The following GSK3B variants were observed in gnomAD, a reference collection of about 807,000 sequenced individuals.
GSK3B encodes the protein glycogen synthase kinase-3 beta.
A neutral mutation model predicts 56.4 loss-of-function variants in GSK3B; 15 were observed. That is an observed-to-expected ratio of 0.27 (90% confidence interval 0.18 to 0.41). The LOEUF is 0.41. GSK3B is among the 10% of genes least tolerant of loss of function. The pLI, the probability that GSK3B is intolerant of heterozygous loss-of-function variation, is 1.00. For missense variants in GSK3B, 300 were observed against 513.4 expected, an observed-to-expected ratio of 0.58 and a Z score of 4.02; for synonymous variants, 181 against 188.9, an observed-to-expected ratio of 0.96 and a Z score of 0.34.
chr3:119,947,256 T>C lies in GSK3B; in HGVS notation c.366+12A>G, dbSNP rs199894212. On this transcript the variant is annotated intron_variant, in intron 3 of 10. Transcript: ENST00000264235. ...ATCACAATATTCAGTACACACTTTG[T>C]GTCAAACCTACCTTCTCACCACTGG... 2.8e-6 allele frequency: 4 copies of C among 1,410,600 alleles called. No homozygotes were observed. Among genetic ancestry groups the C allele is most frequent in the Non-Finnish European group, 4.0e-6 (4 of 994,864 alleles). The allele number at this position is 1,410,600 out of a possible 1,614,324, so 87.4% of individuals were successfully genotyped here.
intron 1 of GSK3B, among the ~76,000 whole-genome samples, chr3:120,026,512 T>TACAC (rs61580328): frequency 0.035 from 4,619 of 130,430 alleles, 100 homozygotes; most frequent in Middle Eastern, 0.059. Context: ...TACCGCCAAA[T>TACAC]ACACACACAC....
rs573063902 is a variant in GSK3B at position 119,906,870 on chromosome 3, T to C, written c.716-1018A>G. The stretch of plus-strand genomic sequence containing the variant: ...AGGTCTGATGTGGTGAGATGTACTA[T>C]CAAGAGAGACTGGAAATCGTTGCTC... On this transcript the variant is annotated intron_variant, in intron 6 of 10. Coordinates refer to ENST00000264235, the MANE Select transcript of GSK3B (RefSeq NM_001146156.2). Among the ~76,000 whole-genome samples the C allele has an allele frequency of 7.9e-4, 120 of 152,232 alleles. 1 individual carries two copies. The Middle Eastern group carries it at 0.02, about 26-fold the overall frequency.
At chr3:120,071,400 C>T (rs1306535686) in intron 1 of GSK3B, among the ~76,000 whole-genome samples, 3 of 152,088 alleles carry the variant, frequency 2.0e-5, no homozygotes, top group Non-Finnish European at 4.4e-5. Context: ...GGAACCAGAC[C>T]GCACAGCAGG....
Position 119,826,373 on chromosome 3 carries a change from A to C in GSK3B, c.*415T>G. Reference sequence around the variant, plus strand: ...GCACTATACCAAAGTCTCACACTAGACTTTAAAAGAAAACAAAGTTCAAAA... The same window carrying C: ...GCACTATACCAAAGTCTCACACTAGCCTTTAAAAGAAAACAAAGTTCAAAA... On this transcript the variant is annotated 3_prime_UTR_variant, in exon 11 of 11. Coordinates refer to ENST00000264235, the MANE Select transcript of GSK3B (RefSeq NM_001146156.2). 1 of 411,422 alleles carries C rather than the reference A, an allele frequency of 2.4e-6. No individual in the cohort carries two copies. Among genetic ancestry groups the C allele is most frequent in the Non-Finnish European group, 4.5e-6 (1 of 221,816 alleles). 25.5% of individuals were successfully genotyped at this position (411,422 alleles called of 1,614,324 possible).
chr3:120,047,104 CTTTA>C (rs1227719424), intron 1 of GSK3B, among the ~76,000 whole-genome samples: 2 of 152,170 alleles, frequency 1.3e-5, no homozygotes, highest in Non-Finnish European at 2.9e-5. Flanking sequence ...GCACAGACTC[CTTTA>C]TTTATCTTAA....
chr3:119,861,243 G>A (rs933256016), intron 9 of GSK3B, among the ~76,000 whole-genome samples: 3 of 152,144 alleles, frequency 2.0e-5, no homozygotes, highest in African/African-American at 7.2e-5. Flanking sequence ...AGGCATGGTG[G>A]CTCATGCCTG....
intron 3 of GSK3B, among the ~76,000 whole-genome samples, chr3:119,940,320 A>G (rs1576215989): frequency 6.6e-6 from 1 of 152,136 alleles, no homozygotes; most frequent in South Asian, 2.1e-4. Flanking sequence ...TTCATACTCA[A>G]ATTGATTCTT....
intron 2 of GSK3B, among the ~76,000 whole-genome samples, chr3:119,973,407 G>A (rs183953007): frequency 1.6e-4 from 24 of 152,056 alleles, no homozygotes; most frequent in Non-Finnish European, 3.1e-4. Context: ...CTACCTGCCC[G>A]TTAGTCATCG....
intron 1 of GSK3B, chr3:120,029,704 G>T: frequency 1.3e-5 from 7 of 533,388 alleles, no homozygotes; most frequent in Non-Finnish European, 1.9e-5. Flanking sequence ...ATCTTCATGG[G>T]ATGGAAATTT....
Position 120,094,404 on chromosome 3 carries a change from GC to G in GSK3B, c.-971del. ...GGCCCGGGCGGCGGCGGCGGCGGCG[GC>G]GGCACAAGCCCGCATTCGCCCGGGT... is the stretch of plus-strand genomic sequence containing the variant. On this transcript the variant is annotated 5_prime_UTR_variant, in exon 1 of 11. An upstream open reading frame in the 5' UTR loses its in-frame stop. Coordinates refer to ENST00000264235, the MANE Select transcript of GSK3B (RefSeq NM_001146156.2). 3.1e-6 allele frequency: 1 copy of G among 327,482 alleles called. No homozygotes were observed. The highest frequency in any genetic ancestry group is 3.8e-5 in the South Asian group (1 of 26,338). The allele number at this position is 327,482 out of a possible 1,614,324, so 20.3% of individuals were successfully genotyped here. A position where few individuals can be genotyped will look rare whatever the true frequency, so the allele number is the denominator to read the frequency against.
chr3:119,984,988 C>T (rs2057501503), intron 2 of GSK3B, among the ~76,000 whole-genome samples: 1 of 152,134 alleles, frequency 6.6e-6, no homozygotes, highest in Admixed American at 6.5e-5. Flanking sequence ...AAAGCTTATC[C>T]ACCACGATCC....
chr3:119,953,281 GAACA>G (rs1193873072), intron 2 of GSK3B, among the ~76,000 whole-genome samples: 1 of 143,386 alleles, frequency 7.0e-6, no homozygotes, highest in East Asian at 1.9e-4. Flanking sequence ...AAGAACGGAA[GAACA>G]AATATAACAT....
chr3:119,893,840 T>C (rs1271251144), intron 7 of GSK3B, among the ~76,000 whole-genome samples: 1 of 151,872 alleles, frequency 6.6e-6, no homozygotes, highest in East Asian at 1.9e-4. Flanking sequence ...GACAAAGACA[T>C]TCTTTTACAG....
intron 1 of GSK3B, among the ~76,000 whole-genome samples, chr3:120,017,502 G>A (rs1664610816): frequency 6.6e-6 from 1 of 152,086 alleles, no homozygotes; most frequent in Non-Finnish European, 1.5e-5. Flanking sequence ...ATCCAACCCT[G>A]CCCTCACCTG....
intron 1 of GSK3B, among the ~76,000 whole-genome samples, chr3:120,085,819 A>C (rs1158578219): frequency 6.6e-6 from 1 of 152,180 alleles, no homozygotes; most frequent in Non-Finnish European, 1.5e-5. Context: ...AAAAAAAAAA[A>C]AGTATTAACT....
intron 2 of GSK3B, among the ~76,000 whole-genome samples, chr3:119,964,093 T>C (rs1336804091): frequency 6.6e-6 from 1 of 152,146 alleles, no homozygotes; most frequent in Non-Finnish European, 1.5e-5. Flanking sequence ...AAGAAAATAT[T>C]TGCAAACCAA....
chr3:119,966,720 T>C (rs1045549137), intron 2 of GSK3B, among the ~76,000 whole-genome samples: 2 of 152,204 alleles, frequency 1.3e-5, no homozygotes, highest in Non-Finnish European at 2.9e-5. Flanking sequence ...CCTATCTAGA[T>C]AGATTTTTTA....
intron 10 of GSK3B, among the ~76,000 whole-genome samples, chr3:119,828,908 T>C (rs1472617631): frequency 3.3e-5 from 5 of 152,226 alleles, no homozygotes; most frequent in South Asian, 4.1e-4. Flanking sequence ...AGTGAAGATA[T>C]TATGGCATCA....
intron 3 of GSK3B, among the ~76,000 whole-genome samples, chr3:119,928,627 A>AT (rs2056912479): frequency 6.6e-6 from 1 of 150,688 alleles, no homozygotes; most frequent in Non-Finnish European, 1.5e-5. Flanking sequence ...AAAAAAAAAA[A>AT]AAAAAAAAGA....
Sources: allele counts gnomAD v4.1 joint callset (sites outside exome capture counted in the v4.1 genomes callset), GRCh38; gene constraint gnomAD v4.1.1; transcripts MANE v1.5; gene names NCBI Gene and HGNC (gene_info 2026-07-23, HGNC 2026-07-21).